The following ATAD1 variants were observed in gnomAD, a reference collection of about 807,000 sequenced individuals.
ATAD1 encodes the protein outer mitochondrial transmembrane helix translocase.
A neutral mutation model predicts 42.7 loss-of-function variants in ATAD1; 18 were observed. The ratio of observed to expected loss-of-function variants is 0.42; its 90% CI spans 0.29 to 0.63. ATAD1 has a LOEUF of 0.63. Ranked by LOEUF, ATAD1 falls within the 20% of genes least tolerant of loss-of-function variation. The pLI is 0.19. For missense variants in ATAD1, 294 were observed against 440.4 expected, an observed-to-expected ratio of 0.67 and a Z score of 2.98; for synonymous variants, 132 against 143.1, an observed-to-expected ratio of 0.92 and a Z score of 0.55.
In ATAD1 at chr10:87,814,505, A is replaced by T; in HGVS notation, c.95T>A (p.Phe32Tyr). The stretch of plus-strand genomic sequence containing the variant: ...TGCATCTACCATCCATTTGATAGTA[A>T]AGTATGTCACTGCACCAAATATTGT... ...RLTIFGAVTY[F>Y]TIKWMVDAID... The change falls in exon 2 of 10, where the codon TTT (phenylalanine) becomes TAT (tyrosine). Residue 32 changes from phenylalanine (F) to tyrosine (Y), a missense_variant. Phe to Tyr is a conservative substitution (Grantham distance 22, BLOSUM62 3). Transcript: ENST00000680024. The T allele has an allele frequency of 6.2e-7, 1 of 1,611,736 alleles. No individual in the cohort carries two copies. Among genetic ancestry groups the T allele is most frequent in the South Asian group, 1.1e-5 (1 of 90,772 alleles).
chr10:87,808,774 C>T (rs558939102), intron 2 of ATAD1, among the ~76,000 whole-genome samples: 4 of 152,212 alleles, frequency 2.6e-5, no homozygotes, highest in South Asian at 4.1e-4. Flanking sequence ...TCCAACTGGT[C>T]GCATTATATT....
Position 87,839,343 on chromosome 10 carries a change from T to C in ATAD1, c.-14+1844A>G, listed in dbSNP as rs542143962. On this transcript the variant is annotated intron_variant, in intron 1 of 4. Coordinates refer to the ATAD1 transcript ENST00000495903. Reference sequence around the variant, plus strand: ...TTTTTATTTTTATCTCTGAGAAGCTTGCCTCAAAGAGAACTTATGGTTAGG... The same window carrying C: ...TTTTTATTTTTATCTCTGAGAAGCTCGCCTCAAAGAGAACTTATGGTTAGG... Among the ~76,000 whole-genome samples, 14 of 152,320 alleles carry C rather than the reference T, an allele frequency of 9.2e-5. No homozygotes were observed. The East Asian group carries it at 2.1e-3, about 23-fold the overall frequency.
intron 5 of ATAD1, 52 bp from the exon 6 acceptor site, chr10:87,776,479 T>C: frequency 7.3e-7 from 1 of 1,371,256 alleles, no homozygotes; most frequent in Non-Finnish European, 1.0e-6. Flanking sequence ...TTATTTACCC[T>C]TTTTTTTGAG....
chr10:87,827,440 G>T (rs1453979304), intron 1 of ATAD1, among the ~76,000 whole-genome samples: 12 of 152,116 alleles, frequency 7.9e-5, no homozygotes, highest in African/African-American at 2.9e-4. Flanking sequence ...AAGGTGTGTG[G>T]CAACCCTGCA....
At chr10:87,763,696 C>CA in intron 8 of ATAD1, among the ~76,000 whole-genome samples, 1 of 151,826 alleles carries the variant, frequency 6.6e-6, no homozygotes. Flanking sequence ...CCTGGGTAAA[C>CA]AGAGTGAGAC....
chr10:87,829,403 G>A lies in ATAD1; in HGVS notation c.-14+11784C>T, dbSNP rs143547310. Among the ~76,000 whole-genome samples the A allele has an allele frequency of 4.1e-4, 63 of 151,944 alleles. No individual in the cohort carries two copies. In the East Asian group the frequency reaches 5.8e-3, roughly 14 times the overall value. On this transcript the variant is annotated intron_variant, in intron 1 of 4. Transcript: ENST00000495903. ...CCTGAGTAGTTGGGACTACAGGCAC[G>A]TGCCACGATGCCCAGCTAATTTTTT...
chr10:87,770,589 G>C lies in ATAD1; in HGVS notation c.780+363C>G, dbSNP rs535502263. Among the ~76,000 whole-genome samples, 4 of 152,256 alleles carry C rather than the reference G, an allele frequency of 2.6e-5. No individual in the cohort carries two copies. The East Asian group carries it at 7.7e-4, about 29-fold the overall frequency. ...TTGTTCATGGCAGGCCTTCTGAATA[G>C]AACAATTCTTCAAGCCAAATTTCTC... On this transcript the variant is annotated intron_variant, in intron 7 of 9. Transcript: ENST00000680024.
At chr10:87,823,424 C>T (rs1857667810) in intron 1 of ATAD1, among the ~76,000 whole-genome samples, 1 of 152,056 alleles carries the variant, frequency 6.6e-6, no homozygotes, top group South Asian at 2.1e-4. Flanking sequence ...CAGGATTGAA[C>T]AAAACCAGAA....
chr10:87,792,735 T>C lies in ATAD1; in HGVS notation c.183A>G (p.Gln61=). 6.2e-7 allele frequency: 1 copy of C among 1,613,936 alleles called. No individual in the cohort carries two copies. The highest frequency in any genetic ancestry group is 8.5e-7 in the Non-Finnish European group (1 of 1,179,926). The change falls in exon 3 of 10, where the codon CAA becomes CAG. Residue 61 remains glutamine, a synonymous_variant. Transcript: ENST00000680024. ...AQKQAEKLMK[Q]IGVKNVKLSE... Reference sequence around the variant, plus strand: ...AGAGCTTCACATTTTTCACTCCAATTTGCTTCATTAGTTTTTCTGCCTAGA... The same window carrying C: ...AGAGCTTCACATTTTTCACTCCAATCTGCTTCATTAGTTTTTCTGCCTAGA...
At chr10:87,820,403 C>T (rs1857610432), upstream of ATAD1, among the ~76,000 whole-genome samples, 1 of 152,286 alleles carries the variant, frequency 6.6e-6, no homozygotes, top group South Asian at 2.1e-4. Context: ...TTCTAAGGAC[C>T]AGGGTGACCA....
In ATAD1 at chr10:87,766,810, C is replaced by CA. The variant is rs147517672; in HGVS notation, c.831+862dup. 2.9e-3 allele frequency among the ~76,000 whole-genome samples: 395 copies of CA among 134,916 alleles called. 1 individual carries two copies. The highest frequency in any genetic ancestry group is 9.4e-3 in the African/African-American group (341 of 36,294). 88.5% of individuals were successfully genotyped at this position (134,916 alleles called of 152,430 possible). A position where few individuals can be genotyped will look rare whatever the true frequency, so the allele number is the denominator to read the frequency against. On this transcript the variant is annotated intron_variant, in intron 8 of 9. Coordinates refer to ENST00000680024, the MANE Select transcript of ATAD1 (RefSeq NM_001321967.2). ...TGGACTACAGAGTGACACTCTGCTT[C>CA]AAAAAAAAAAGAAAGAAAAGAAAAA...
intron 2 of ATAD1, among the ~76,000 whole-genome samples, chr10:87,804,357 G>A (rs903094632): frequency 1.3e-5 from 2 of 152,052 alleles, no homozygotes; most frequent in African/African-American, 4.8e-5. Context: ...ACAATTTCAA[G>A]AAAATTATAT....
chr10:87,837,048 C>T (rs2132118809), intron 1 of ATAD1, among the ~76,000 whole-genome samples: 1 of 151,928 alleles, frequency 6.6e-6, no homozygotes. Context: ...TTTTGCATTT[C>T]TTTCAGGAAC....
At chr10:87,789,712 A>G (rs1293887945) in intron 4 of ATAD1, among the ~76,000 whole-genome samples, 1 of 152,074 alleles carries the variant, frequency 6.6e-6, no homozygotes, top group Non-Finnish European at 1.5e-5. Flanking sequence ...ACACAGTGAG[A>G]CCCCATCTCA....
At position 87,808,989 on chromosome 10, in the gene ATAD1, G is replaced by A. The variant is rs147342440; in HGVS notation, c.162+5449C>T. On this transcript the variant is annotated intron_variant, in intron 2 of 9. Coordinates refer to ENST00000680024, the MANE Select transcript of ATAD1 (RefSeq NM_001321967.2). ...ATTATTAATTTGTTCCTTAAATACT[G>A]GCAGAATTTGCTATAAAGTTCTATG... Among the ~76,000 whole-genome samples the A allele has an allele frequency of 3.0e-4, 46 of 152,204 alleles. 2 individuals are homozygous for A. In the East Asian group the frequency reaches 7.9e-3, roughly 26 times the overall value.
At chr10:87,784,114 T>C (rs376356491) in intron 5 of ATAD1, among the ~76,000 whole-genome samples, 13 of 152,108 alleles carry the variant, frequency 8.5e-5, no homozygotes, top group African/African-American at 3.1e-4. Flanking sequence ...ATAGGTATAA[T>C]AACTAAAGAA....
intron 2 of ATAD1, among the ~76,000 whole-genome samples, chr10:87,809,325 A>G (rs1292211388): frequency 1.3e-5 from 2 of 152,176 alleles, no homozygotes; most frequent in African/African-American, 4.8e-5. Flanking sequence ...TAGTTTGTAT[A>G]CTGTATTCTT....
intron 8 of ATAD1, among the ~76,000 whole-genome samples, chr10:87,764,058 T>G (rs1166522215): frequency 6.6e-6 from 1 of 152,060 alleles, no homozygotes; most frequent in Non-Finnish European, 1.5e-5. Context: ...TAAAACAGTA[T>G]TAATCCTAGT....
intron 5 of ATAD1, 31 bp from the exon 6 acceptor site, chr10:87,776,458 T>A (rs760607459): frequency 2.6e-6 from 4 of 1,534,734 alleles, no homozygotes; most frequent in Admixed American, 1.7e-5. Context: ...ACCTTAGAAA[T>A]TAAGAATTAA....
Sources: gnomAD v4.1 joint callset for allele counts (sites outside exome capture counted in the v4.1 genomes callset) on GRCh38, gnomAD v4.1.1 for gene constraint, MANE v1.5 for transcripts, NCBI Gene and HGNC (gene_info 2026-07-23, HGNC 2026-07-21) for gene names.